SIPA1L1: variants seen among roughly 807,000 people sequenced by gnomAD.
SIPA1L1 encodes the protein signal-induced proliferation-associated 1-like protein 1.
Under a neutral mutation model 162.7 loss-of-function variants are expected in SIPA1L1, and 26 were observed. The observed-to-expected ratio is 0.16, with a 90% CI of 0.12 to 0.22. The LOEUF (loss-of-function observed/expected upper bound fraction) is 0.22, where lower values mean the gene tolerates loss of function less well. Ranked by LOEUF, SIPA1L1 falls within the 10% of genes least tolerant of loss-of-function variation. SIPA1L1 has a pLI of 1.00. For missense variants in SIPA1L1, 1,874 were observed against 2,241.0 expected (o/e 0.84, Z 3.31); for synonymous variants, 829 against 837.4 (o/e 0.99, Z 0.17).
chr14:71,523,820 A>T (rs988330150), intron 3 of SIPA1L1, among the ~76,000 whole-genome samples: 1 of 152,086 alleles, frequency 6.6e-6, no homozygotes, highest in African/African-American at 2.4e-5. Flanking sequence ...TAATCCTTTA[A>T]ATTGTTCCAG....
intron 2 of SIPA1L1, among the ~76,000 whole-genome samples, chr14:71,342,513 A>G (rs1244095083): frequency 1.3e-5 from 2 of 152,208 alleles, no homozygotes; most frequent in East Asian, 3.8e-4. Context: ...AGTTAATTGA[A>G]AATACCGAAA....
intron 12 of SIPA1L1, among the ~76,000 whole-genome samples, chr14:71,675,283 G>C (rs1360114260): frequency 2.0e-5 from 3 of 152,238 alleles, no homozygotes; most frequent in Non-Finnish European, 4.4e-5. Flanking sequence ...GCCAGGAGGG[G>C]AGGCTGGGGG....
Position 71,672,442 on chromosome 14 carries a change from C to G in SIPA1L1, c.2924C>G (p.Ala975Gly). The G allele has an allele frequency of 6.2e-7, 1 of 1,614,166 alleles. No homozygotes were observed. The highest frequency in any genetic ancestry group is 1.1e-5 in the South Asian group (1 of 91,082). Residue 975 changes from alanine to glycine, a missense_variant, in exon 12 of 24, where the codon GCG becomes GGG. Physicochemically the swap from Ala to Gly is moderately conservative, Grantham distance 60. Coordinates refer to ENST00000381232, the MANE Select transcript of SIPA1L1 (RefSeq NM_001386936.1). ...CATGTCAACTATGAGGGCATTGTGG[C>G]GGATGTGGAGCCCTACGGTTATGCC... Reference protein sequence around the residue: ...GFHVNYEGIVADVEPYGYAWQ... With the variant: ...GFHVNYEGIVGDVEPYGYAWQ...
At chr14:71,529,029 T>C (rs1337856988) in intron 3 of SIPA1L1, among the ~76,000 whole-genome samples, 1 of 152,022 alleles carries the variant, frequency 6.6e-6, no homozygotes, top group Non-Finnish European at 1.5e-5. Context: ...GAAGAATCGC[T>C]TGAACCTGGG....
chr14:71,576,259 G>C (rs1377604067), intron 4 of SIPA1L1, among the ~76,000 whole-genome samples: 4 of 152,202 alleles, frequency 2.6e-5, no homozygotes, highest in African/African-American at 9.7e-5. Context: ...ACATGGCTTA[G>C]GGATCAGACT....
At chr14:71,545,879 T>G (rs1386745077) in intron 4 of SIPA1L1, among the ~76,000 whole-genome samples, 1 of 152,092 alleles carries the variant, frequency 6.6e-6, no homozygotes, top group Non-Finnish European at 1.5e-5. Flanking sequence ...GGTGGGAGAA[T>G]TGCCTGAGTC....
intron 2 of SIPA1L1, chr14:71,416,244 C>T (rs894914625): frequency 3.9e-5 from 6 of 152,068 alleles, no homozygotes; most frequent in African/African-American, 1.4e-4. Flanking sequence ...AAATCTAACA[C>T]ATGCCTAAAA....
At chr14:71,735,664 G>A (rs949159233) in intron 22 of SIPA1L1, 1 of 323,752 alleles carries the variant, frequency 3.1e-6, no homozygotes, top group Admixed American at 4.7e-5. Context: ...GTTGGGGCAG[G>A]TAGGAGAGAC....
At chr14:71,328,998 G>C (rs1439421296) in intron 2 of SIPA1L1, among the ~76,000 whole-genome samples, 1 of 152,126 alleles carries the variant, frequency 6.6e-6, no homozygotes, top group Non-Finnish European at 1.5e-5. Flanking sequence ...GGCTACTTTA[G>C]GTAACCTCAT....
chr14:71,644,597 A>T (rs1338694021), intron 7 of SIPA1L1, among the ~76,000 whole-genome samples: 1 of 152,222 alleles, frequency 6.6e-6, no homozygotes, highest in Non-Finnish European at 1.5e-5. Context: ...ATTTGGAAAA[A>T]TTGGTTCTCT....
intron 2 of SIPA1L1, among the ~76,000 whole-genome samples, chr14:71,322,573 A>G (rs1173138814): frequency 6.6e-6 from 1 of 152,264 alleles, no homozygotes; most frequent in South Asian, 2.1e-4. Context: ...GTTATTAACT[A>G]CAATATTAAT....
chr14:71,424,016 CTTGT>C (rs1333086347), intron 2 of SIPA1L1, among the ~76,000 whole-genome samples: 1 of 152,006 alleles, frequency 6.6e-6, no homozygotes, highest in Non-Finnish European at 1.5e-5. Context: ...CTTTCACTTC[CTTGT>C]TTAATTCCTA....
chr14:71,505,980 AT>A (rs1361914241), intron 2 of SIPA1L1, among the ~76,000 whole-genome samples: 3 of 140,564 alleles, frequency 2.1e-5, no homozygotes, highest in African/African-American at 7.7e-5. Context: ...CAAAAAAAAA[AT>A]CCCCACGAAA....
intron 5 of SIPA1L1, among the ~76,000 whole-genome samples, chr14:71,592,018 A>G (rs2035465326): frequency 6.6e-6 from 1 of 152,232 alleles, no homozygotes; most frequent in African/African-American, 2.4e-5. Flanking sequence ...TGGTATAAAC[A>G]GCTCACTCTT....
At chr14:71,464,041 C>T (rs1400688768) in intron 2 of SIPA1L1, among the ~76,000 whole-genome samples, 2 of 152,204 alleles carry the variant, frequency 1.3e-5, no homozygotes, top group Non-Finnish European at 2.9e-5. Context: ...TGAGATCTGA[C>T]ATACAGAGAA....
intron 4 of SIPA1L1, chr14:71,574,133 C>G (rs1167925936): frequency 5.2e-6 from 1 of 193,736 alleles, no homozygotes; most frequent in Non-Finnish European, 1.1e-5. Context: ...TGTAGTAATC[C>G]CAAGGGATGC....
chr14:71,622,618 C>G (rs1218790048), intron 6 of SIPA1L1, among the ~76,000 whole-genome samples: 1 of 152,130 alleles, frequency 6.6e-6, no homozygotes, highest in Non-Finnish European at 1.5e-5. Flanking sequence ...AAAATAAAAA[C>G]TATTTGTGTC....
chr14:71,530,335 T>C (rs1026304881), intron 4 of SIPA1L1, among the ~76,000 whole-genome samples: 4 of 152,048 alleles, frequency 2.6e-5, no homozygotes, highest in African/African-American at 9.7e-5. Flanking sequence ...TTTCAGATTC[T>C]ACCCCACCCC....
chr14:71,628,843 G>A (rs981811532), intron 7 of SIPA1L1, among the ~76,000 whole-genome samples: 3 of 152,148 alleles, frequency 2.0e-5, no homozygotes, highest in African/African-American at 4.8e-5. Flanking sequence ...CAATAAGAAC[G>A]AGACTCGGAA....
Sources: gnomAD v4.1 joint callset for allele counts (sites outside exome capture counted in the v4.1 genomes callset) on GRCh38, gnomAD v4.1.1 for gene constraint, MANE v1.5 for transcripts, NCBI Gene and HGNC (gene_info 2026-07-23, HGNC 2026-07-21) for gene names.